The following GRID2 variants were observed in gnomAD, a reference collection of about 807,000 sequenced individuals.
The protein encoded by GRID2 is glutamate receptor ionotropic, delta-2.
GRID2 carries 33 observed loss-of-function variants against 114.8 expected under a neutral mutation model. That is an observed-to-expected ratio of 0.29 (90% CI 0.22 to 0.38). The LOEUF (loss-of-function observed/expected upper bound fraction) is 0.38, where lower values mean the gene tolerates loss of function less well. GRID2 is among the 10% of genes least tolerant of loss of function. The pLI is 1.00. For synonymous variants in GRID2, 505 were observed against 449.9 expected (o/e 1.12, Z -1.55); for missense variants, 1,184 against 1,257.7 (o/e 0.94, Z 0.89).
chr4:92,700,872 G>A (rs1312116698), intron 2 of GRID2, among the ~76,000 whole-genome samples: 2 of 151,938 alleles, frequency 1.3e-5, no homozygotes, highest in African/African-American at 4.8e-5. Flanking sequence ...GGCGCCTGTA[G>A]TCCCAGCTAC....
chr4:93,273,434 A>G (rs540137233), intron 8 of GRID2, among the ~76,000 whole-genome samples: 3 of 148,010 alleles, frequency 2.0e-5, no homozygotes, highest in African/African-American at 7.6e-5. Context: ...TACATTGATT[A>G]TATTTTTGTG....
At chr4:93,038,509 G>A (rs1725145375) in intron 2 of GRID2, among the ~76,000 whole-genome samples, 1 of 152,108 alleles carries the variant, frequency 6.6e-6, no homozygotes, top group African/African-American at 2.4e-5. Flanking sequence ...TCAGGAAACA[G>A]GCCAGGTGTG....
At position 93,216,775 on chromosome 4, in the gene GRID2, G is replaced by T; in HGVS notation, c.827G>T (p.Arg276Met). 1.2e-6 allele frequency: 2 copies of T among 1,612,300 alleles called. No homozygotes were observed. Among genetic ancestry groups the T allele is most frequent in the South Asian group, 2.2e-5 (2 of 91,032 alleles). Residue 276 changes from arginine (R) to methionine (M), a missense_variant, in exon 6 of 16, where the codon AGG becomes ATG. Physicochemically the swap from Arg to Met is moderately conservative, Grantham distance 91. Transcript: ENST00000282020. ...NDVDVQELVR[R>M]SIGRLTIIRQ... ...GTGGACGTACAGGAACTTGTAAGAA[G>T]GTCAATTGGAAGGTTAACGATTATT...
chr4:93,200,474 G>A (rs1741964822), intron 4 of GRID2, among the ~76,000 whole-genome samples: 1 of 152,114 alleles, frequency 6.6e-6, no homozygotes, highest in Admixed American at 6.5e-5. Context: ...GCTGAGGCAG[G>A]AGAATGGCGT....
At chr4:92,737,828 C>A (rs1370025497) in intron 2 of GRID2, among the ~76,000 whole-genome samples, 1 of 151,936 alleles carries the variant, frequency 6.6e-6, no homozygotes, top group African/African-American at 2.4e-5. Flanking sequence ...ATTTTTGGGG[C>A]TTTTGTTTCT....
intron 1 of GRID2, among the ~76,000 whole-genome samples, chr4:92,330,370 G>GT (rs1726819702): frequency 6.6e-6 from 1 of 152,056 alleles, no homozygotes. Flanking sequence ...TCTTGCAGTG[G>GT]TTTGGATGGC....
intron 1 of GRID2, among the ~76,000 whole-genome samples, chr4:92,418,222 G>A (rs1731716165): frequency 6.6e-6 from 1 of 152,190 alleles, no homozygotes; most frequent in Middle Eastern, 3.4e-3. Context: ...AGAGCAATGA[G>A]CATGTCCCCA....
intron 2 of GRID2, among the ~76,000 whole-genome samples, chr4:92,669,050 T>C (rs1275834568): frequency 6.6e-6 from 1 of 151,924 alleles, no homozygotes; most frequent in East Asian, 1.9e-4. Context: ...TTATTGCATA[T>C]ATTGATACGG....
chr4:92,924,948 A>G (rs767154599), intron 2 of GRID2, among the ~76,000 whole-genome samples: 4 of 152,072 alleles, frequency 2.6e-5, no homozygotes, highest in Non-Finnish European at 5.9e-5. Context: ...CTTAGTTCCT[A>G]TCTTCTTTAC....
chr4:93,155,846 G>A (rs1737134240), intron 4 of GRID2, among the ~76,000 whole-genome samples: 1 of 151,654 alleles, frequency 6.6e-6, no homozygotes, highest in African/African-American at 2.4e-5. Flanking sequence ...GGGGGGTAGT[G>A]GTGATGGTTA....
chr4:93,460,459 C>G (rs969104394), intron 11 of GRID2, among the ~76,000 whole-genome samples: 2 of 152,180 alleles, frequency 1.3e-5, no homozygotes, highest in African/African-American at 4.8e-5. Flanking sequence ...AGTTCCTATT[C>G]ATCCTCTAAT....
chr4:92,666,658 T>G (rs1051966947), intron 2 of GRID2, among the ~76,000 whole-genome samples: 26 of 130,904 alleles, frequency 2.0e-4, no homozygotes, highest in South Asian at 1.2e-3. Flanking sequence ...TTGTTTTTTT[T>G]TTTTTTTTTT....
chr4:92,861,636 T>C (rs1378593070), intron 2 of GRID2, among the ~76,000 whole-genome samples: 1 of 152,118 alleles, frequency 6.6e-6, no homozygotes, highest in African/African-American at 2.4e-5. Context: ...GGGACTGGTC[T>C]GGCTTGGTTA....
intron 2 of GRID2, among the ~76,000 whole-genome samples, chr4:92,705,174 A>G (rs1366269492): frequency 2.6e-5 from 4 of 152,132 alleles, no homozygotes; most frequent in Non-Finnish European, 5.9e-5. Flanking sequence ...TTAACTTTTT[A>G]TATTTAATAT....
In GRID2 at chr4:92,801,182, G is replaced by A. The variant is rs146602863; in HGVS notation, c.244+210896G>A. On this transcript the variant is annotated intron_variant, in intron 2 of 15. Transcript: ENST00000282020. The stretch of plus-strand genomic sequence containing the variant: ...CTGAGAAGAGCCCCTGAGAAAGGCA[G>A]ACAACACACTACGGGCTCTTCCAGC... 4.4e-4 allele frequency among the ~76,000 whole-genome samples: 67 copies of A among 152,040 alleles called. 2 individuals carry two copies. The highest frequency in any genetic ancestry group is 1.5e-3 in the African/African-American group (64 of 41,528).
At chr4:93,136,478 A>G (rs1735262551) in intron 4 of GRID2, among the ~76,000 whole-genome samples, 1 of 152,186 alleles carries the variant, frequency 6.6e-6, no homozygotes, top group Non-Finnish European at 1.5e-5. Flanking sequence ...GATCAATGAG[A>G]TGAAAATGTC....
chr4:93,792,596 C>G (rs1734716136), intron 1 of GRID2, among the ~76,000 whole-genome samples: 1 of 152,176 alleles, frequency 6.6e-6, no homozygotes, highest in South Asian at 2.1e-4. Context: ...GCTGGGAACC[C>G]TACCACACCC....
chr4:92,918,959 C>A (rs1749061371), intron 2 of GRID2, among the ~76,000 whole-genome samples: 1 of 152,134 alleles, frequency 6.6e-6, no homozygotes, highest in Non-Finnish European at 1.5e-5. Context: ...TGGTAGAATT[C>A]AGCTGTGAAT....
chr4:93,228,893 A>G (rs1334724545), intron 7 of GRID2, among the ~76,000 whole-genome samples: 2 of 152,294 alleles, frequency 1.3e-5, no homozygotes, highest in East Asian at 1.9e-4. Context: ...ATATGTCAGT[A>G]TTTTTCATGT....
Sources: gnomAD v4.1 joint callset for allele counts (sites outside exome capture counted in the v4.1 genomes callset) on GRCh38, gnomAD v4.1.1 for gene constraint, MANE v1.5 for transcripts, NCBI Gene and HGNC (gene_info 2026-07-23, HGNC 2026-07-21) for gene names.